Variants in CHD4 observed in about 807,000 individuals in gnomAD.
CHD4 encodes the protein ATP-dependent chromatin remodeler CHD4.
Under a neutral mutation model 235.5 loss-of-function variants are expected in CHD4, and 35 were observed. The observed-to-expected ratio is 0.15, with a 90% CI of 0.11 to 0.20. The LOEUF is 0.20. Ranked by LOEUF, CHD4 falls within the 10% of genes least tolerant of loss-of-function variation. The pLI, the probability that CHD4 is intolerant of heterozygous loss-of-function variation, is 1.00. For missense variants in CHD4, 1,329 were observed against 2,432.3 expected (o/e 0.55, Z 9.54); for synonymous variants, 900 against 850.2 (o/e 1.06, Z -1.02).
chr12:6,599,613 T>TC (rs1190072791), intron 10 of CHD4, among the ~76,000 whole-genome samples, 160 bp downstream of exon 10: 1 of 152,150 alleles, frequency 6.6e-6, no homozygotes, highest in Non-Finnish European at 1.5e-5. Flanking sequence ...TCCTATATTT[T>TC]CCCAGGACAA....
At chr12:6,580,266 C>T (rs1403624359) in intron 33 of CHD4, 1 of 151,752 alleles carries the variant, frequency 6.6e-6, no homozygotes, top group Non-Finnish European at 1.5e-5. Context: ...CAAATAAAGT[C>T]ATAAGAGATA....
At chr12:6,604,297 C>T (rs558384123) in intron 2 of CHD4, among the ~76,000 whole-genome samples, 1 of 151,834 alleles carries the variant, frequency 6.6e-6, no homozygotes. Flanking sequence ...AAAATAATAT[C>T]CCTCCTTCAA....
intron 25 of CHD4, 123 bp downstream of exon 25, chr12:6,587,261 T>C: frequency 1.1e-6 from 1 of 907,782 alleles, no homozygotes; most frequent in Non-Finnish European, 1.7e-6. Flanking sequence ...AGGAAGAGGA[T>C]CAATTCATCA....
At chr12:6,589,659 C>A (rs1228852223) in intron 22 of CHD4, among the ~76,000 whole-genome samples, 1 of 150,964 alleles carries the variant, frequency 6.6e-6, no homozygotes, top group South Asian at 2.1e-4. Context: ...CCCAGCTACT[C>A]GGGAGGCTGA....
At chr12:6,581,890 C>A in intron 30 of CHD4, 76 bp from the exon 31 acceptor site, 3 of 1,463,856 alleles carry the variant, frequency 2.0e-6, no homozygotes, top group South Asian at 3.0e-5. Flanking sequence ...CCAGTCTCCG[C>A]CTCCCGGGTT....
At chr12:6,592,911 A>G in intron 17 of CHD4, 94 bp from the exon 18 acceptor site, 1 of 1,530,552 alleles carries the variant, frequency 6.5e-7, no homozygotes, top group Non-Finnish European at 8.8e-7. Context: ...CCAATAGTTA[A>G]GCATCCCACT....
Position 6,599,758 on chromosome 12 carries a change from A to T in CHD4, c.1482+15T>A. 6.2e-7 allele frequency: 1 copy of T among 1,613,832 alleles called. No homozygotes were observed. Among genetic ancestry groups the T allele is most frequent in the Non-Finnish European group, 8.5e-7 (1 of 1,179,824 alleles). ...ACTTTCCCATTTTTTGCCCCGGCTG[A>T]GATCAGTCACTCACCGTACAACGGG... On this transcript the variant is annotated intron_variant, in intron 10 of 39. Transcript: ENST00000544040.
intron 37 of CHD4, among the ~76,000 whole-genome samples, chr12:6,575,421 G>A (rs1208505632): frequency 1.4e-5 from 2 of 145,958 alleles, no homozygotes; most frequent in Admixed American, 1.4e-4. Context: ...CTGCACTCCA[G>A]CCTGGGCAAC....
At chr12:6,600,123 C>G in intron 9 of CHD4, 94 bp downstream of exon 9, 1 of 1,576,600 alleles carries the variant, frequency 6.3e-7, no homozygotes. Context: ...ACCCGCAGCA[C>G]CAGCATTTCC....
In CHD4 at chr12:6,583,241, G is replaced by T; in HGVS notation, c.4017C>A (p.Ile1339=). 1 of 1,614,178 alleles carries T rather than the reference G, an allele frequency of 6.2e-7. No individual in the cohort carries two copies. The highest frequency in any genetic ancestry group is 8.5e-7 in the Non-Finnish European group (1 of 1,180,042). The change falls in exon 26 of 40, where the codon ATC becomes ATA. Residue 1339 remains isoleucine (I), a synonymous_variant. Transcript: ENST00000544040. ...LARNLGKGKR[I]RKQVNYNDGS... ...CATCATTGTAGTTGACCTGTTTACG[G>T]ATTCTTTTTCCTTTGCCCAGATTTC...
intron 25 of CHD4, 96 bp from the exon 26 acceptor site, chr12:6,583,474 A>T: frequency 9.4e-7 from 1 of 1,062,472 alleles, no homozygotes; most frequent in Non-Finnish European, 1.4e-6. Flanking sequence ...GCTCCTTTTC[A>T]TGACTGGACT....
chr12:6,570,332 C>T lies in CHD4; in HGVS notation c.*344G>A. ...CACAAAATAAACCAACAAAATAAAA[C>T]CAAAAGGAGGAAAAAATTCAGATCA... On this transcript the variant is annotated 3_prime_UTR_variant, in exon 40 of 40. Coordinates refer to ENST00000544040, the MANE Select transcript of CHD4 (RefSeq NM_001273.5). 1 of 329,302 alleles carries T rather than the reference C, an allele frequency of 3.0e-6. No homozygotes were observed. Among genetic ancestry groups the T allele is most frequent in the Non-Finnish European group, 5.6e-6 (1 of 179,264 alleles). The allele number at this position is 329,302 out of a possible 1,614,324, so 20.4% of individuals were successfully genotyped here.
chr12:6,597,474 T>C (rs1183699140), intron 12 of CHD4, among the ~76,000 whole-genome samples: 1 of 147,384 alleles, frequency 6.8e-6, no homozygotes, highest in Non-Finnish European at 1.5e-5. Context: ...TCAAAATAAA[T>C]ATATAAGGCT....
rs1947940520 is a variant in CHD4 at position 6,570,338 on chromosome 12, G to A, written c.*338C>T. On this transcript the variant is annotated 3_prime_UTR_variant, in exon 40 of 40. Transcript: ENST00000544040. ...ATAAACCAACAAAATAAAACCAAAA[G>A]GAGGAAAAAATTCAGATCATTTTCT... 8.7e-6 allele frequency: 3 copies of A among 345,926 alleles called. No individual in the cohort carries two copies. Among genetic ancestry groups the A allele is most frequent in the Non-Finnish European group, 1.6e-5 (3 of 189,672 alleles). 21.4% of individuals were successfully genotyped at this position (345,926 alleles called of 1,614,324 possible).
intron 25 of CHD4, chr12:6,587,052 G>C (rs1948310732): frequency 8.5e-6 from 2 of 236,600 alleles, no homozygotes; most frequent in Non-Finnish European, 1.6e-5. Context: ...GATTACCTAG[G>C]ATCTTCTGCC....
chr12:6,603,319 T>C (rs1484118789), intron 2 of CHD4, among the ~76,000 whole-genome samples: 1 of 151,964 alleles, frequency 6.6e-6, no homozygotes, highest in Non-Finnish European at 1.5e-5. Flanking sequence ...AGGAGGCAGC[T>C]TCCTTTGTAA....
At position 6,578,504 on chromosome 12, in the gene CHD4, T is replaced by C. The variant is rs200783211; in HGVS notation, c.5024A>G (p.Gln1675Arg). Residue 1675 changes from glutamine to arginine, a missense_variant, in exon 35 of 40, where the codon CAG (glutamine) becomes CGG (arginine). Transcript: ENST00000544040. ...EEEEKKEVML[Q>R]NGETPKDLND... The stretch of plus-strand genomic sequence containing the variant: ...CAGGTCCTTGGGGGTCTCTCCATTC[T>C]GAAGCATCACCTCTTTTTTCTCTTC... 1.2e-6 allele frequency: 2 copies of C among 1,613,066 alleles called. No individual in the cohort carries two copies. The highest frequency in any genetic ancestry group is 1.3e-5 in the African/African-American group (1 of 74,792).
chr12:6,573,539 CAAAAATTTTTA>C, intron 37 of CHD4: 1 of 258,030 alleles, frequency 3.9e-6, no homozygotes, highest in Non-Finnish European at 7.2e-6. Context: ...AATAGAATAT[CAAAAATTTTTA>C]ACAACAGATA....
intron 2 of CHD4, among the ~76,000 whole-genome samples, chr12:6,605,653 G>A (rs572445979): frequency 2.6e-5 from 4 of 152,148 alleles, no homozygotes; most frequent in East Asian, 1.9e-4. Flanking sequence ...TCTTCACTAG[G>A]CTATTACATC....
Sources: gnomAD v4.1 joint callset for allele counts (sites outside exome capture counted in the v4.1 genomes callset) on GRCh38, gnomAD v4.1.1 for gene constraint, MANE v1.5 for transcripts, NCBI Gene and HGNC (gene_info 2026-07-23, HGNC 2026-07-21) for gene names.